Variants in SGCG observed in about 807,000 individuals in gnomAD.
The protein encoded by SGCG is gamma-sarcoglycan.
In SGCG, 26 loss-of-function variants were observed where a neutral mutation model predicts 29.3. That is an observed-to-expected ratio of 0.89 (90% CI 0.65 to 1.23). The LOEUF is 1.23. SGCG is among the 50% of genes most tolerant of loss of function. The pLI, the probability that SGCG is intolerant of heterozygous loss-of-function variation, is 0.00. For missense variants in SGCG, 353 were observed against 356.0 expected, an observed-to-expected ratio of 0.99 and a Z score of 0.07; for synonymous variants, 145 against 129.7, an observed-to-expected ratio of 1.12 and a Z score of -0.80.
At chr13:23,252,173 A>G (rs893359175) in intron 4 of SGCG, among the ~76,000 whole-genome samples, 2 of 152,164 alleles carry the variant, frequency 1.3e-5, no homozygotes, top group African/African-American at 4.8e-5. Context: ...TTGATAAATT[A>G]TACAGTATTA....
rs202045534 is a variant in SGCG, at chr13:23,320,711, T to C, written c.653T>C (p.Ile218Thr). The C allele has an allele frequency of 1.8e-4, 284 of 1,611,300 alleles. No individual in the cohort carries two copies. Among genetic ancestry groups the C allele is most frequent in the Non-Finnish European group, 1.9e-4 (220 of 1,178,878 alleles). The change falls in exon 7 of 8, where the codon ATT becomes ACT. Residue 218 changes from isoleucine to threonine, a missense_variant. Coordinates refer to ENST00000218867, the MANE Select transcript of SGCG (RefSeq NM_000231.3). ...CATATTCAAGCTCACGCTGGGAAAA[T>C]TGAGGCGCTTTCTCAAATGGATATT... The part of the protein sequence containing the change: ...GVHIQAHAGK[I>T]EALSQMDILF...
At chr13:23,261,011 G>T (rs1283524444) in intron 4 of SGCG, among the ~76,000 whole-genome samples, 2 of 151,980 alleles carry the variant, frequency 1.3e-5, no homozygotes, top group Non-Finnish European at 2.9e-5. Flanking sequence ...ACAATTATGT[G>T]TCTTGGGATT....
intron 1 of SGCG, 107 bp from the exon 2 acceptor site, chr13:23,203,588 T>C: frequency 1.3e-6 from 1 of 786,660 alleles, no homozygotes; most frequent in South Asian, 1.5e-5. Context: ...ATGACTGGGA[T>C]GAAAAATATG....
chr13:23,291,652 CT>C (rs1169493872), intron 5 of SGCG, among the ~76,000 whole-genome samples: 2 of 152,258 alleles, frequency 1.3e-5, no homozygotes, highest in African/African-American at 4.8e-5. Context: ...GATTTTATAT[CT>C]CCCTGTAAGT....
intron 4 of SGCG, among the ~76,000 whole-genome samples, chr13:23,270,443 T>G (rs1185686113): frequency 6.6e-6 from 1 of 152,202 alleles, no homozygotes; most frequent in Non-Finnish European, 1.5e-5. Flanking sequence ...GTTTGAACAT[T>G]TTTTTCATAA....
At chr13:23,314,361 T>G (rs1882716903) in intron 6 of SGCG, among the ~76,000 whole-genome samples, 1 of 102,972 alleles carries the variant, frequency 9.7e-6, no homozygotes, top group Non-Finnish European at 2.0e-5. Flanking sequence ...ATTTTTTAAA[T>G]GAAATGATGT....
intron 5 of SGCG, among the ~76,000 whole-genome samples, chr13:23,293,270 T>C (rs1217470094): frequency 6.6e-6 from 1 of 152,208 alleles, no homozygotes; most frequent in African/African-American, 2.4e-5. Context: ...ACCTTCACTT[T>C]TGTGTGTTCC....
chr13:23,249,106 A>G (rs1395092144), intron 3 of SGCG, among the ~76,000 whole-genome samples: 1 of 152,206 alleles, frequency 6.6e-6, no homozygotes, highest in African/African-American at 2.4e-5. Flanking sequence ...GCAAATGTGC[A>G]AAATTTGGGA....
chr13:23,246,645 T>C (rs141673651), intron 3 of SGCG: 14 of 217,336 alleles, frequency 6.4e-5, no homozygotes, highest in Admixed American at 5.8e-4. Flanking sequence ...TTAAAAGCCT[T>C]ACAACACCCC....
In SGCG at chr13:23,299,439, TATATATATATATATATA is replaced by T. The variant is rs1882048678; in HGVS notation, c.578+3953_578+3969del. On this transcript the variant is annotated intron_variant, in intron 6 of 7. Transcript: ENST00000218867. Reference sequence around the variant, plus strand: ...ATATATATATATATATATATATATATATATATATATATATATATTTTTTTTTTTTTTTTAGTCGGAGT... The same window carrying T: ...ATATATATATATATATATATATATATTTTTTTTTTTTTTTTTAGTCGGAGT... Among the ~76,000 whole-genome samples, 33 of 21,162 alleles carry T rather than the reference TATATATATATATATATA, an allele frequency of 1.6e-3. 2 individuals are homozygous for T. The highest frequency in any genetic ancestry group is 3.5e-3 in the African/African-American group (28 of 7,994). The allele number at this position is 21,162 out of a possible 152,430, so 13.9% of individuals were successfully genotyped here. A position where few individuals can be genotyped will look rare whatever the true frequency, so the allele number is the denominator to read the frequency against.
intron 6 of SGCG, among the ~76,000 whole-genome samples, chr13:23,300,844 G>C (rs1340265337): frequency 2.7e-5 from 4 of 150,120 alleles, no homozygotes; most frequent in Non-Finnish European, 3.0e-5. Context: ...GGCCGGGCGC[G>C]GTGGCTCACG....
At chr13:23,163,856 A>G in the SGCG span, among the ~76,000 whole-genome samples, 1 of 152,242 alleles carries the variant, frequency 6.6e-6, no homozygotes, top group Non-Finnish European at 1.5e-5. Flanking sequence ...AAAGGCTAAA[A>G]CTAAGTAATA....
the SGCG span, among the ~76,000 whole-genome samples, chr13:23,167,967 C>T: frequency 6.6e-6 from 1 of 152,140 alleles, no homozygotes; most frequent in Non-Finnish European, 1.5e-5. Context: ...GAACTCTTGA[C>T]CTCAGATGAT....
At chr13:23,323,325 G>A (rs4324004) in intron 7 of SGCG, among the ~76,000 whole-genome samples, 1 of 152,172 alleles carries the variant, frequency 6.6e-6, no homozygotes, top group Admixed American at 6.5e-5. Flanking sequence ...GACCATGCAC[G>A]GCACAGAGCT....
chr13:23,163,457 G>C, the SGCG span, among the ~76,000 whole-genome samples: 1 of 152,124 alleles, frequency 6.6e-6, no homozygotes, highest in Admixed American at 6.5e-5. Flanking sequence ...ATTTCAATTA[G>C]GTTAATACCT....
intron 4 of SGCG, among the ~76,000 whole-genome samples, chr13:23,262,106 A>G (rs529605658): frequency 1.6e-4 from 24 of 152,082 alleles, no homozygotes; most frequent in African/African-American, 5.8e-4. Context: ...AATGAAGGAA[A>G]AACAGTCACT....
intron 4 of SGCG, among the ~76,000 whole-genome samples, chr13:23,255,887 G>A (rs956656233): frequency 1.3e-5 from 2 of 152,284 alleles, no homozygotes; most frequent in Non-Finnish European, 2.9e-5. Context: ...TTTGAAAGAA[G>A]CAGTGGGCAG....
At chr13:23,255,823 T>A (rs2137577277) in intron 4 of SGCG, among the ~76,000 whole-genome samples, 1 of 152,330 alleles carries the variant, frequency 6.6e-6, no homozygotes, top group Middle Eastern at 3.4e-3. Flanking sequence ...GCTGTGAACT[T>A]GCTTCCAAGA....
chr13:23,304,037 C>T (rs559014019), intron 6 of SGCG, among the ~76,000 whole-genome samples: 191 of 152,164 alleles, frequency 1.3e-3, no homozygotes, highest in African/African-American at 4.4e-3. Flanking sequence ...TGTTTAAAGG[C>T]CATTTTTGTA....
Sources: allele counts gnomAD v4.1 joint callset (sites outside exome capture counted in the v4.1 genomes callset), GRCh38; gene constraint gnomAD v4.1.1; transcripts MANE v1.5; gene names NCBI Gene and HGNC (gene_info 2026-07-23, HGNC 2026-07-21).